REV3L: variants seen among roughly 807,000 people sequenced by gnomAD.
REV3L encodes the protein REV3 like, DNA directed polymerase zeta catalytic subunit.
A neutral mutation model predicts 299.4 loss-of-function variants in REV3L; 69 were observed. That is an observed-to-expected ratio of 0.23 (90% CI 0.19 to 0.28). The LOEUF is 0.28. Among genes scored for constraint, REV3L ranks in the 10% least tolerant of loss-of-function variants. REV3L has a pLI of 1.00. For synonymous variants in REV3L, 1,238 were observed against 1,271.4 expected, an observed-to-expected ratio of 0.97 and a Z score of 0.56; for missense variants, 3,128 against 3,693.8, an observed-to-expected ratio of 0.85 and a Z score of 3.97.
At chr6:111,370,032 C>T (rs995204669) in intron 13 of REV3L, among the ~76,000 whole-genome samples, 3 of 152,108 alleles carry the variant, frequency 2.0e-5, no homozygotes, top group Admixed American at 6.5e-5. Flanking sequence ...GGGGTTTCAC[C>T]ATGTTGGCCA....
At chr6:111,421,267 T>C (rs1305329998) in intron 1 of REV3L, among the ~76,000 whole-genome samples, 4 of 152,234 alleles carry the variant, frequency 2.6e-5, no homozygotes, top group African/African-American at 9.6e-5. Context: ...GTTAGCCTAT[T>C]TGTAGTAAAA....
Position 111,445,915 on chromosome 6 carries a change from C to T in REV3L, c.140-29443G>A, listed in dbSNP as rs146445574. Among the ~76,000 whole-genome samples the T allele has an allele frequency of 3.3e-5, 5 of 152,114 alleles. No homozygotes were observed. The East Asian group carries it at 7.7e-4, about 23-fold the overall frequency. On this transcript the variant is annotated intron_variant, in intron 1 of 31. Transcript: ENST00000368802. ...AAGCATAGGATATATTCAGGAAATG[C>T]CAAGCATATGAGTGGGGCTGAAATA...
chr6:111,337,915 A>G (rs1157810869), intron 21 of REV3L, among the ~76,000 whole-genome samples: 6 of 152,166 alleles, frequency 3.9e-5, no homozygotes, highest in Non-Finnish European at 7.4e-5. Context: ...AAAGGAGATA[A>G]CATTTACACT....
intron 4 of REV3L, among the ~76,000 whole-genome samples, chr6:111,401,940 T>C (rs994618929): frequency 1.1e-4 from 17 of 151,736 alleles, no homozygotes; most frequent in African/African-American, 4.1e-4. Flanking sequence ...GGCGAAACCC[T>C]ATCTCTACAA....
At chr6:111,419,251 ATAGCAC>A (rs1490524216) in intron 1 of REV3L, among the ~76,000 whole-genome samples, 6 of 152,232 alleles carry the variant, frequency 3.9e-5, no homozygotes, top group Non-Finnish European at 7.3e-5. Flanking sequence ...AATTCTTGGC[ATAGCAC>A]TAACAGCTCT....
intron 1 of REV3L, among the ~76,000 whole-genome samples, chr6:111,417,567 T>C (rs1784905186): frequency 1.3e-5 from 2 of 152,184 alleles, no homozygotes; most frequent in Non-Finnish European, 2.9e-5. Context: ...TCTGCTTCAC[T>C]GGGCCTTTTC....
At chr6:111,394,336 G>A (rs1782249171) in intron 4 of REV3L, among the ~76,000 whole-genome samples, 1 of 152,074 alleles carries the variant, frequency 6.6e-6, no homozygotes, top group Non-Finnish European at 1.5e-5. Context: ...ATTCTAACTG[G>A]GGTAAGATGA....
At chr6:111,343,056 A>G (rs1416443214) in intron 21 of REV3L, among the ~76,000 whole-genome samples, 1 of 152,208 alleles carries the variant, frequency 6.6e-6, no homozygotes, top group East Asian at 1.9e-4. Context: ...AACACACAAC[A>G]GCCATATGAC....
At chr6:111,458,940 T>C (rs1790453997) in intron 1 of REV3L, among the ~76,000 whole-genome samples, 1 of 151,978 alleles carries the variant, frequency 6.6e-6, no homozygotes, top group Admixed American at 6.6e-5. Context: ...TACTCTAAAA[T>C]TCATATGGAA....
chr6:111,320,766 C>A (rs1774076685), intron 26 of REV3L, among the ~76,000 whole-genome samples: 1 of 152,158 alleles, frequency 6.6e-6, no homozygotes, highest in South Asian at 2.1e-4. Context: ...TCCCACCTCA[C>A]AGCCTCCCAA....
At chr6:111,331,654 T>C (rs1287992491) in intron 24 of REV3L, 22 bp downstream of exon 24, 1 of 1,515,120 alleles carries the variant, frequency 6.6e-7, no homozygotes. Flanking sequence ...GTTGTTATCT[T>C]TCATTTACAA....
At chr6:111,366,064 G>T (rs1257020269) in intron 14 of REV3L, among the ~76,000 whole-genome samples, 1 of 152,074 alleles carries the variant, frequency 6.6e-6, no homozygotes, top group Non-Finnish European at 1.5e-5. Context: ...AGGGAATGAG[G>T]TGAGTGTTAA....
At chr6:111,343,796 C>A (rs1447978138) in intron 21 of REV3L, 129 bp downstream of exon 21, 3 of 565,594 alleles carry the variant, frequency 5.3e-6, no homozygotes, top group Non-Finnish European at 8.6e-6. Flanking sequence ...TCCCAATGTG[C>A]TAGGATTACA....
intron 26 of REV3L, among the ~76,000 whole-genome samples, chr6:111,317,669 AT>A (rs758589845): frequency 1.3e-5 from 2 of 152,140 alleles, no homozygotes; most frequent in African/African-American, 2.4e-5. Flanking sequence ...TTTTCCAAGA[AT>A]TTTATATAAA....
At chr6:111,326,635 T>C (rs1163255434) in intron 25 of REV3L, among the ~76,000 whole-genome samples, 1 of 150,754 alleles carries the variant, frequency 6.6e-6, no homozygotes, top group Non-Finnish European at 1.5e-5. Context: ...TGGAAATCGG[T>C]ACATTGAATT....
chr6:111,300,726 A>G lies in REV3L; in HGVS notation c.9253-570T>C, dbSNP rs554970459. Among the ~76,000 whole-genome samples, 61 of 152,280 alleles carry G rather than the reference A, an allele frequency of 4.0e-4. No individual in the cohort carries two copies. The East Asian group carries it at 7.7e-3, about 19-fold the overall frequency. ...TTCATGAACATTTATCACTTCCCCAATCAATACTCTTATAATTTCCTATGC... is the reference window on the plus strand; with the variant it reads ...TTCATGAACATTTATCACTTCCCCAGTCAATACTCTTATAATTTCCTATGC... On this transcript the variant is annotated intron_variant, in intron 31 of 31. Transcript: ENST00000368802.
intron 21 of REV3L, among the ~76,000 whole-genome samples, chr6:111,340,480 A>C (rs563537757): frequency 6.6e-6 from 1 of 152,278 alleles, no homozygotes; most frequent in East Asian, 1.9e-4. Flanking sequence ...TGGGGCTTCC[A>C]GGAGACAAAA....
In REV3L at chr6:111,331,744, G is replaced by A. The variant is rs1400846385; in HGVS notation, c.7966C>T (p.Pro2656Ser). The change falls in exon 24 of 32, where the codon CCT becomes TCT. Residue 2656 changes from proline to serine, a missense_variant. This residue lies in a region of REV3L where 149 missense variants were observed against 286.4 expected (regional missense o/e 0.52). Transcript: ENST00000368802. The part of the protein sequence containing the change: ...FKFGCTSLRV[P>S]PDLLYQVRHD... The stretch of plus-strand genomic sequence containing the variant: ...CTAACTTGGTAAAGTAAATCTGGAG[G>A]TACTCTCAGAGAGGTACAGCCAAAT... The A allele has an allele frequency of 1.2e-6, 2 of 1,613,208 alleles. No homozygotes were observed. The highest frequency in any genetic ancestry group is 1.7e-6 in the Non-Finnish European group (2 of 1,179,592).
chr6:111,357,155 ATAAC>A, intron 17 of REV3L, 30 bp from the exon 18 acceptor site: 25 of 826,998 alleles, frequency 3.0e-5, no homozygotes, highest in Non-Finnish European at 4.5e-5. Flanking sequence ...TCTATTATAT[ATAAC>A]ATTATATAAT....
Sources: allele counts gnomAD v4.1 joint callset (sites outside exome capture counted in the v4.1 genomes callset), GRCh38; gene constraint gnomAD v4.1.1; regional missense constraint gnomAD v4.1.1; transcripts MANE v1.5; gene names NCBI Gene and HGNC (gene_info 2026-07-23, HGNC 2026-07-21).